The following FAM120B variants were observed in gnomAD, a reference collection of about 807,000 sequenced individuals.
FAM120B encodes the protein constitutive coactivator of peroxisome proliferator-activated receptor gamma.
A neutral mutation model predicts 96.3 loss-of-function variants in FAM120B; 83 were observed. The ratio of observed to expected loss-of-function variants is 0.86; its 90% CI spans 0.72 to 1.03. The LOEUF is 1.03. Among genes scored for constraint, FAM120B ranks in the 50% least tolerant of loss-of-function variants. The pLI, the probability that FAM120B is intolerant of heterozygous loss-of-function variation, is 0.00. For synonymous variants in FAM120B, 407 were observed against 402.7 expected (o/e 1.01, Z -0.13); for missense variants, 1,027 against 1,121.2 (o/e 0.92, Z 1.20).
intron 9 of FAM120B, among the ~76,000 whole-genome samples, chr6:170,400,492 T>G (rs1430279275): frequency 6.6e-6 from 1 of 152,132 alleles, no homozygotes; most frequent in African/African-American, 2.4e-5. Flanking sequence ...ACAGGCTGAC[T>G]TTGTCTCAAG....
rs113102839 is a variant in FAM120B, at chr6:170,378,277, A to G, written c.2284-10010A>G. Among the ~76,000 whole-genome samples the G allele has an allele frequency of 5.4e-3, 825 of 152,246 alleles. 6 individuals carry two copies. The highest frequency in any genetic ancestry group is 0.017 in the African/African-American group (723 of 41,532). The stretch of plus-strand genomic sequence containing the variant: ...CACATCTGATCTAAGTTTTCTTTCT[A>G]TAAGGATTCTTTAACCCCGAGCAGT... On this transcript the variant is annotated intron_variant, in intron 6 of 10. Transcript: ENST00000476287.
At chr6:170,386,721 G>T (rs1790205995) in intron 6 of FAM120B, among the ~76,000 whole-genome samples, 1 of 152,212 alleles carries the variant, frequency 6.6e-6, no homozygotes, top group African/African-American at 2.4e-5. Context: ...GAGAGCAGAA[G>T]AAGAAGGAAG....
intron 6 of FAM120B, among the ~76,000 whole-genome samples, chr6:170,364,250 A>G (rs1190610809): frequency 1.3e-5 from 2 of 152,024 alleles, no homozygotes; most frequent in Non-Finnish European, 2.9e-5. Context: ...TGAGCCTGCG[A>G]TGTCCCTTTT....
intron 6 of FAM120B, among the ~76,000 whole-genome samples, chr6:170,364,155 G>T (rs117119044): frequency 0.016 from 2,461 of 152,284 alleles, 37 homozygotes; most frequent in Non-Finnish European, 0.024. Context: ...ATTGCATGAA[G>T]TCACTGAAGC....
Position 170,323,159 on chromosome 6 carries a change from CA to C in FAM120B, c.1816del (p.Thr606ProfsTer2), listed in dbSNP as rs1203126725. ...MSSGEIECSN[T>X]LEDELDQALP... is the part of the protein sequence containing the mutation. ...GCAGTGGAGAGATTGAATGCAGCAACACCCTAGAAGATGAGCTTGACCAGGC... is the reference window on the plus strand; with the variant it reads ...GCAGTGGAGAGATTGAATGCAGCAACCCCTAGAAGATGAGCTTGACCAGGC... On this transcript the variant is annotated frameshift_variant, in exon 3 of 11. Transcript: ENST00000476287. LOFTEE classifies it high-confidence loss of function. The C allele has an allele frequency of 6.2e-7, 1 of 1,614,038 alleles. No individual in the cohort carries two copies.
chr6:170,398,279 G>A (rs541383716), intron 9 of FAM120B, among the ~76,000 whole-genome samples: 1 of 152,390 alleles, frequency 6.6e-6, no homozygotes, highest in South Asian at 2.1e-4. Context: ...TGAATGGTGG[G>A]TGAGACATTA....
At chr6:170,392,497 T>C (rs1405826166) in intron 8 of FAM120B, among the ~76,000 whole-genome samples, 1 of 152,280 alleles carries the variant, frequency 6.6e-6, no homozygotes, top group Non-Finnish European at 1.5e-5. Flanking sequence ...ATCTCATTGA[T>C]TGAATGCTGC....
chr6:170,372,080 A>G (rs1789232428), intron 6 of FAM120B, among the ~76,000 whole-genome samples: 1 of 152,174 alleles, frequency 6.6e-6, no homozygotes, highest in South Asian at 2.1e-4. Context: ...AGTAAAATAA[A>G]ATTTTCGTTA....
chr6:170,339,245 G>T (rs750058137), intron 4 of FAM120B, among the ~76,000 whole-genome samples: 3 of 152,034 alleles, frequency 2.0e-5, no homozygotes, highest in Admixed American at 2.0e-4. Context: ...GTCTGTAAAG[G>T]ATTTTATTTC....
intron 6 of FAM120B, among the ~76,000 whole-genome samples, chr6:170,361,334 T>C (rs531095353): frequency 3.8e-4 from 57 of 150,506 alleles, no homozygotes; most frequent in Non-Finnish European, 6.2e-4. Context: ...TACATATTTA[T>C]GTATATACAC....
At chr6:170,388,053 AAG>A (rs1790287252) in intron 6 of FAM120B, among the ~76,000 whole-genome samples, 1 of 152,126 alleles carries the variant, frequency 6.6e-6, no homozygotes, top group Non-Finnish European at 1.5e-5. Context: ...TGGATGGATG[AAG>A]ACACACTCTG....
At chr6:170,308,581 G>A (rs562039982) in intron 1 of FAM120B, among the ~76,000 whole-genome samples, 3 of 152,158 alleles carry the variant, frequency 2.0e-5, no homozygotes, top group African/African-American at 4.8e-5. Flanking sequence ...CAGGTTTCTA[G>A]GTCTGTCACT....
chr6:170,296,779 C>T (rs1017609371), intron 1 of FAM120B, among the ~76,000 whole-genome samples: 13 of 152,110 alleles, frequency 8.5e-5, no homozygotes, highest in Non-Finnish European at 1.8e-4. Context: ...CCGGCCCAGG[C>T]CCCTCGGTAC....
chr6:170,323,380 C>A (rs1785418242), intron 3 of FAM120B, 121 bp downstream of exon 3: 3 of 795,654 alleles, frequency 3.8e-6, no homozygotes, highest in Non-Finnish European at 5.9e-6. Flanking sequence ...GGTTTTATAT[C>A]CCTGTCAAAT....
intron 6 of FAM120B, among the ~76,000 whole-genome samples, chr6:170,359,310 T>C (rs1443257782): frequency 6.6e-6 from 1 of 151,978 alleles, no homozygotes; most frequent in Non-Finnish European, 1.5e-5. Flanking sequence ...ATAGAATCGC[T>C]TGAAACTGGG....
rs184202021 is a variant in FAM120B, at chr6:170,328,848, A to T, written c.1916-1601A>T. On this transcript the variant is annotated intron_variant, in intron 3 of 10. Coordinates refer to ENST00000476287, the MANE Select transcript of FAM120B (RefSeq NM_032448.3). Reference sequence around the variant, plus strand: ...ATTTTGGATACTAAAAAGAGTGTAGAGTTTAGTTCTGTCAGACAGTTACTC... The same window carrying T: ...ATTTTGGATACTAAAAAGAGTGTAGTGTTTAGTTCTGTCAGACAGTTACTC... Among the ~76,000 whole-genome samples the T allele has an allele frequency of 3.9e-5, 6 of 152,222 alleles. No individual in the cohort carries two copies. The East Asian group carries it at 5.8e-4, about 15-fold the overall frequency.
At chr6:170,294,378 T>A (rs994405552), upstream of FAM120B, among the ~76,000 whole-genome samples, 7 of 152,132 alleles carry the variant, frequency 4.6e-5, no homozygotes, top group African/African-American at 1.4e-4. The surrounding 1 kb of genome is among the most constrained non-coding windows in gnomAD (Gnocchi z 7.9). Context: ...GGTGGTGGTG[T>A]TTTTTGTTTT....
chr6:170,317,860 A>G lies in FAM120B; in HGVS notation c.470A>G (p.Gln157Arg), dbSNP rs756898165. The G allele has an allele frequency of 3.3e-5, 54 of 1,614,268 alleles. No individual in the cohort carries two copies. The highest frequency in any genetic ancestry group is 1.1e-4 in the South Asian group (10 of 91,082). ...GGCCAGGAAACTTTGTGTTCTTTGCAGGAAGCAGATTATGAGGTAGCTTCC... is the reference window on the plus strand; with the variant it reads ...GGCCAGGAAACTTTGTGTTCTTTGCGGGAAGCAGATTATGAGGTAGCTTCC... ...TLGQETLCSLQEADYEVASYG... is the reference protein window; with the variant it reads ...TLGQETLCSLREADYEVASYG... The change falls in exon 2 of 11, where the codon CAG (glutamine) becomes CGG (arginine). Residue 157 changes from glutamine to arginine, a missense_variant. This residue lies in a region of FAM120B where 880 missense variants were observed against 980.9 expected (regional missense o/e 0.90). Transcript: ENST00000476287.
At chr6:170,360,620 T>TG (rs1225036510) in intron 6 of FAM120B, among the ~76,000 whole-genome samples, 2 of 152,180 alleles carry the variant, frequency 1.3e-5, no homozygotes, top group Non-Finnish European at 2.9e-5. Context: ...AGCAGAGACT[T>TG]GTCCCATGCT....
Sources: allele counts gnomAD v4.1 joint callset (sites outside exome capture counted in the v4.1 genomes callset), GRCh38; gene constraint gnomAD v4.1.1; regional missense constraint gnomAD v4.1.1; non-coding constraint Gnocchi (gnomAD v3.1); transcripts MANE v1.5; gene names NCBI Gene and HGNC (gene_info 2026-07-23, HGNC 2026-07-21).